The following RFTN2 variants were observed in gnomAD, a reference collection of about 807,000 sequenced individuals.
The protein encoded by RFTN2 is raftlin family member 2, also known as raftlin-2.
RFTN2 carries 34 observed loss-of-function variants against 52.7 expected under a neutral mutation model. The ratio of observed to expected loss-of-function variants is 0.64; its 90% CI spans 0.49 to 0.86. The LOEUF (loss-of-function observed/expected upper bound fraction) is 0.86, where lower values mean the gene tolerates loss of function less well. Among genes scored for constraint, RFTN2 ranks in the 40% least tolerant of loss-of-function variants. The pLI is 0.00. For missense variants in RFTN2, 536 were observed against 600.1 expected (o/e 0.89, Z 1.12); for synonymous variants, 203 against 217.7 (o/e 0.93, Z 0.59).
intron 1 of RFTN2, among the ~76,000 whole-genome samples, chr2:197,668,068 G>A (rs960659520): frequency 6.6e-6 from 1 of 152,178 alleles, no homozygotes; most frequent in African/African-American, 2.4e-5. Flanking sequence ...GGTGTTGGCA[G>A]TGTCTGTGGT....
At chr2:197,583,258 C>T (rs2087539913) in intron 8 of RFTN2, among the ~76,000 whole-genome samples, 1 of 152,160 alleles carries the variant, frequency 6.6e-6, no homozygotes, top group African/African-American at 2.4e-5. Context: ...ATGTCCAGGA[C>T]TGGAAAATTG....
At chr2:197,572,756 C>T (rs1467904343) in intron 8 of RFTN2, among the ~76,000 whole-genome samples, 1 of 152,152 alleles carries the variant, frequency 6.6e-6, no homozygotes. Context: ...GGCTGTGTCC[C>T]CACCCAAATC....
chr2:197,613,794 A>G (rs780580833), intron 7 of RFTN2, among the ~76,000 whole-genome samples: 10 of 152,242 alleles, frequency 6.6e-5, no homozygotes, highest in Non-Finnish European at 1.3e-4. Flanking sequence ...AATAAACACC[A>G]ATATTGCACA....
At chr2:197,642,626 T>C (rs2088690568) in intron 3 of RFTN2, among the ~76,000 whole-genome samples, 1 of 152,226 alleles carries the variant, frequency 6.6e-6, no homozygotes, top group Admixed American at 6.5e-5. Flanking sequence ...TGTATAAAAA[T>C]TATTTCTTCC....
intron 1 of RFTN2, among the ~76,000 whole-genome samples, chr2:197,648,549 A>G (rs927275000): frequency 1.3e-5 from 2 of 152,232 alleles, no homozygotes; most frequent in Non-Finnish European, 2.9e-5. Context: ...CTGAAAAACT[A>G]TAACAAAATG....
intron 1 of RFTN2, among the ~76,000 whole-genome samples, chr2:197,674,339 C>CAAAAAAAAAAA (rs1222944678): frequency 0.015 from 525 of 33,942 alleles, 5 homozygotes; most frequent in East Asian, 0.027. Context: ...TAGAGCAAAG[C>CAAAAAAAAAAA]AAAAAAAAAA....
At chr2:197,656,745 C>T (rs2088899584) in intron 1 of RFTN2, among the ~76,000 whole-genome samples, 1 of 152,164 alleles carries the variant, frequency 6.6e-6, no homozygotes. Context: ...AAATCTTGAA[C>T]TCATGCTCTA....
chr2:197,640,722 A>C (rs2088658398), intron 3 of RFTN2, among the ~76,000 whole-genome samples: 1 of 152,040 alleles, frequency 6.6e-6, no homozygotes. Flanking sequence ...GGAGCTGTAG[A>C]CCGGAGCTGT....
chr2:197,595,975 C>A lies in RFTN2; in HGVS notation c.1233+16G>T. ...TCAATATAACATTCAGTTAATAAAG[C>A]ATCAATTTTACTCACATCTGGTGTT... On this transcript the variant is annotated intron_variant, in intron 8 of 8. Coordinates refer to ENST00000295049, the MANE Select transcript of RFTN2 (RefSeq NM_144629.3). The A allele has an allele frequency of 6.6e-7, 1 of 1,506,252 alleles. No individual in the cohort carries two copies. Among genetic ancestry groups the A allele is most frequent in the Non-Finnish European group, 9.2e-7 (1 of 1,083,612 alleles). 93.3% of individuals were successfully genotyped at this position (1,506,252 alleles called of 1,614,324 possible). A position where few individuals can be genotyped will look rare whatever the true frequency, so the allele number is the denominator to read the frequency against.
At chr2:197,614,190 C>T (rs1034703776) in intron 7 of RFTN2, among the ~76,000 whole-genome samples, 1 of 152,210 alleles carries the variant, frequency 6.6e-6, no homozygotes, top group Non-Finnish European at 1.5e-5. Flanking sequence ...CAAGATCCTT[C>T]AGGGCCAGAA....
At chr2:197,617,495 T>C (rs1309317269) in intron 6 of RFTN2, among the ~76,000 whole-genome samples, 3 of 152,000 alleles carry the variant, frequency 2.0e-5, no homozygotes, top group East Asian at 1.9e-4. Context: ...CTGGGCAACA[T>C]GGCGAGACCC....
At chr2:197,645,675 CA>C (rs1261228413) in intron 2 of RFTN2, among the ~76,000 whole-genome samples, 3 of 152,130 alleles carry the variant, frequency 2.0e-5, no homozygotes, top group Non-Finnish European at 2.9e-5. Flanking sequence ...AAAAGGTTAA[CA>C]AGAGGTCTAT....
intron 5 of RFTN2, among the ~76,000 whole-genome samples, chr2:197,629,038 A>G (rs1179653938): frequency 6.6e-6 from 1 of 152,192 alleles, no homozygotes; most frequent in African/African-American, 2.4e-5. Flanking sequence ...ACAGTGTGGC[A>G]ATTCCTCGAG....
In RFTN2 at chr2:197,570,434, CAT is replaced by C. The variant is rs1052728588; in HGVS notation, c.*1572_*1573del. ...ATACATATCTGTTATATGTATAAAACATATTATATGAAGGCCAGGCATGGTGG... is the reference window on the plus strand; with the variant it reads ...ATACATATCTGTTATATGTATAAAACATTATATGAAGGCCAGGCATGGTGG... On this transcript the variant is annotated 3_prime_UTR_variant, in exon 9 of 9. Coordinates refer to ENST00000295049, the MANE Select transcript of RFTN2 (RefSeq NM_144629.3). 3.3e-5 allele frequency: 5 copies of C among 152,030 alleles called. No individual in the cohort carries two copies. The highest frequency in any genetic ancestry group is 9.7e-5 in the African/African-American group (4 of 41,374). 9.4% of individuals were successfully genotyped at this position (152,030 alleles called of 1,614,324 possible).
At chr2:197,669,624 A>G (rs755805275) in intron 1 of RFTN2, among the ~76,000 whole-genome samples, 5 of 152,284 alleles carry the variant, frequency 3.3e-5, no homozygotes, top group African/African-American at 7.2e-5. Flanking sequence ...TTTGCAACCT[A>G]GATCCCTTGC....
At chr2:197,659,685 C>T (rs988520557) in intron 1 of RFTN2, among the ~76,000 whole-genome samples, 9 of 151,698 alleles carry the variant, frequency 5.9e-5, no homozygotes, top group Admixed American at 5.3e-4. Context: ...GGCGTGGTGG[C>T]GTGTGCCTGT....
At chr2:197,584,785 C>G (rs760100483) in intron 8 of RFTN2, among the ~76,000 whole-genome samples, 1 of 152,152 alleles carries the variant, frequency 6.6e-6, no homozygotes, top group Admixed American at 6.6e-5. Context: ...TCTTGCTCAG[C>G]CCCAACCTCA....
At chr2:197,604,778 T>A (rs141082499) in intron 7 of RFTN2, among the ~76,000 whole-genome samples, 5,660 of 150,278 alleles carry the variant, frequency 0.038, 140 homozygotes, top group Non-Finnish European at 0.056. Flanking sequence ...TTATTTATTT[T>A]GAGACAGAGC....
intron 1 of RFTN2, among the ~76,000 whole-genome samples, chr2:197,669,421 T>TAACATATAAAAGAAAAAG (rs2089111845): frequency 6.6e-6 from 1 of 151,836 alleles, no homozygotes. Context: ...AGTGGAAATG[T>TAACATATAAAAGAAAAAG]AACATATAAA....
Sources: allele counts gnomAD v4.1 joint callset (sites outside exome capture counted in the v4.1 genomes callset), GRCh38; gene constraint gnomAD v4.1.1; transcripts MANE v1.5; gene names NCBI Gene and HGNC (gene_info 2026-07-23, HGNC 2026-07-21).